Variants in PHIP observed in about 807,000 individuals in gnomAD.
PHIP encodes PH-interacting protein.
A neutral mutation model predicts 236.8 loss-of-function variants in PHIP; 54 were observed. The observed-to-expected ratio is 0.23, with a 90% CI of 0.18 to 0.29. The LOEUF (loss-of-function observed/expected upper bound fraction) is 0.29, where lower values mean the gene tolerates loss of function less well. Among genes scored for constraint, PHIP ranks in the 10% least tolerant of loss-of-function variants. The pLI, the probability that PHIP is intolerant of heterozygous loss-of-function variation, is 1.00. For missense variants in PHIP, 1,370 were observed against 2,190.8 expected (o/e 0.63, Z 7.48); for synonymous variants, 756 against 718.9 (o/e 1.05, Z -0.83).
chr6:79,045,221 C>A lies in PHIP; in HGVS notation c.440-2218G>T, dbSNP rs116489260. Among the ~76,000 whole-genome samples, 4 of 152,018 alleles carry A rather than the reference C, an allele frequency of 2.6e-5. No homozygotes were observed. The East Asian group carries it at 5.8e-4, about 22-fold the overall frequency. ...AAATAAGACATACAGAAAGAACATA[C>A]GTAGATTCCCAGGTAATAAGGTGGT... On this transcript the variant is annotated intron_variant, in intron 6 of 39. Coordinates refer to ENST00000275034, the MANE Select transcript of PHIP (RefSeq NM_017934.7).
intron 4 of PHIP, among the ~76,000 whole-genome samples, chr6:79,064,636 G>A (rs899559879): frequency 6.6e-6 from 1 of 151,966 alleles, no homozygotes; most frequent in Admixed American, 6.6e-5. Context: ...CTTAACTTTT[G>A]TGACACTCCT....
intron 6 of PHIP, among the ~76,000 whole-genome samples, chr6:79,050,053 T>C (rs1281562452): frequency 6.6e-6 from 1 of 151,872 alleles, no homozygotes; most frequent in African/African-American, 2.4e-5. Flanking sequence ...AAAATGGCTA[T>C]AAAGGAAGAG....
intron 35 of PHIP, among the ~76,000 whole-genome samples, chr6:78,953,334 A>G (rs1766183289): frequency 6.6e-6 from 1 of 152,182 alleles, no homozygotes; most frequent in Admixed American, 6.5e-5. Context: ...TTATCTCTGT[A>G]TAGTGTTAAT....
intron 29 of PHIP, among the ~76,000 whole-genome samples, chr6:78,964,650 G>A (rs774085766): frequency 5.3e-5 from 8 of 151,916 alleles, no homozygotes; most frequent in East Asian, 1.9e-4. Flanking sequence ...ACGCCACCAC[G>A]CCAGGCTAAT....
chr6:79,051,473 T>C (rs1378576433), intron 6 of PHIP, among the ~76,000 whole-genome samples: 4 of 152,194 alleles, frequency 2.6e-5, no homozygotes, highest in African/African-American at 9.6e-5. Context: ...CTCTTCGCTT[T>C]AATACTATAA....
At chr6:78,942,796 T>G (rs553235252) in intron 39 of PHIP, among the ~76,000 whole-genome samples, 3 of 152,330 alleles carry the variant, frequency 2.0e-5, no homozygotes, top group Admixed American at 2.0e-4. Context: ...CATGAATCCC[T>G]TGTAATGGTC....
At chr6:78,957,746 G>A (rs1197965731) in intron 32 of PHIP, 1 of 151,730 alleles carries the variant, frequency 6.6e-6, no homozygotes, top group Non-Finnish European at 1.5e-5. Flanking sequence ...ACAAAATATA[G>A]AATTCATTTC....
At chr6:78,948,795 G>T (rs567669236) in intron 35 of PHIP, among the ~76,000 whole-genome samples, 1 of 152,260 alleles carries the variant, frequency 6.6e-6, no homozygotes, top group South Asian at 2.1e-4. Flanking sequence ...CACCTGGCCT[G>T]CAGCTTTTCA....
Position 79,001,927 on chromosome 6 carries a change from G to A in PHIP, c.1851C>T (p.Leu617=), listed in dbSNP as rs1770022177. Residue 617 remains leucine, a synonymous_variant, in exon 17 of 40, where the codon CTC becomes CTT. Transcript: ENST00000275034. ...AGGAAGTTACTCCCATCTGAGGGATGAGTTGCTCCTCCCTGCAATTTTCAC... is the reference window on the plus strand; with the variant it reads ...AGGAAGTTACTCCCATCTGAGGGATAAGTTGCTCCTCCCTGCAATTTTCAC... ...PGRENCREEQ[L]IPQMGVTSSG... The A allele has an allele frequency of 1.2e-6, 2 of 1,611,988 alleles. No individual in the cohort carries two copies. The highest frequency in any genetic ancestry group is 1.1e-5 in the South Asian group (1 of 91,018).
chr6:79,020,169 T>TA (rs1346260140), intron 9 of PHIP, among the ~76,000 whole-genome samples: 19 of 151,508 alleles, frequency 1.3e-4, no homozygotes, highest in East Asian at 5.8e-4. Context: ...TGCCTTTTTT[T>TA]TAAAAAAAAG....
intron 31 of PHIP, 102 bp downstream of exon 31, chr6:78,961,588 A>C: frequency 9.1e-7 from 1 of 1,095,774 alleles, no homozygotes; most frequent in Non-Finnish European, 1.4e-6. Context: ...TCTTATGTGC[A>C]TTCCTATATA....
At chr6:79,070,434 T>C (rs1245678612) in intron 4 of PHIP, among the ~76,000 whole-genome samples, 1 of 152,226 alleles carries the variant, frequency 6.6e-6, no homozygotes, top group African/African-American at 2.4e-5. Context: ...GACAGCAAAG[T>C]TGTTTCAGAC....
intron 7 of PHIP, among the ~76,000 whole-genome samples, chr6:79,028,984 G>GT (rs1186132284): frequency 6.6e-6 from 1 of 152,156 alleles, no homozygotes; most frequent in Non-Finnish European, 1.5e-5. Context: ...CAATTAAAAT[G>GT]TAACAGGAAG....
intron 23 of PHIP, 121 bp downstream of exon 23, chr6:78,982,765 G>GT: frequency 4.8e-6 from 3 of 628,430 alleles, no homozygotes; most frequent in Admixed American, 2.8e-5. Context: ...GTATTTCTGA[G>GT]TTTTTTCTAT....
chr6:78,964,618 G>C (rs1271788843), intron 29 of PHIP, among the ~76,000 whole-genome samples: 2 of 151,968 alleles, frequency 1.3e-5, no homozygotes, highest in African/African-American at 2.4e-5. Flanking sequence ...TCAACCTTCT[G>C]AGTAGCTGGG....
chr6:79,057,281 T>C (rs1773123409), intron 6 of PHIP, among the ~76,000 whole-genome samples: 1 of 152,120 alleles, frequency 6.6e-6, no homozygotes, highest in South Asian at 2.1e-4. Context: ...TACGGTATCC[T>C]GGACTGGATC....
intron 21 of PHIP, among the ~76,000 whole-genome samples, chr6:78,986,992 A>T (rs1167000912): frequency 2.0e-5 from 3 of 152,158 alleles, no homozygotes. Context: ...AGTACAAAAC[A>T]TCTGAACCAA....
intron 31 of PHIP, among the ~76,000 whole-genome samples, chr6:78,960,962 A>G (rs1237424650): frequency 3.9e-5 from 6 of 152,194 alleles, no homozygotes; most frequent in African/African-American, 1.2e-4. Flanking sequence ...TTTTAATGCA[A>G]TGTTACACAA....
chr6:79,009,899 C>A (rs1267340117), intron 15 of PHIP, among the ~76,000 whole-genome samples: 4 of 111,656 alleles, frequency 3.6e-5, no homozygotes, highest in Admixed American at 3.6e-4. Flanking sequence ...TCTAAAGAAT[C>A]TTAAAACCTG....
Sources: gnomAD v4.1 joint callset for allele counts (sites outside exome capture counted in the v4.1 genomes callset) on GRCh38, gnomAD v4.1.1 for gene constraint, MANE v1.5 for transcripts, NCBI Gene and HGNC (gene_info 2026-07-23, HGNC 2026-07-21) for gene names.